Variants in NALCN observed in about 807,000 individuals in gnomAD.
The protein encoded by NALCN is sodium leak channel, non-selective.
A neutral mutation model predicts 225.3 loss-of-function variants in NALCN; 111 were observed. The ratio of observed to expected loss-of-function variants is 0.49; its 90% CI spans 0.42 to 0.58. NALCN has a LOEUF of 0.58. NALCN is among the 20% of genes least tolerant of loss of function. NALCN has a pLI of 0.00. For missense variants in NALCN, 1,378 were observed against 2,202.4 expected (o/e 0.63, Z 7.49); for synonymous variants, 764 against 769.0 (o/e 0.99, Z 0.11).
chr13:101,071,423 GATAACTTGCCACAGC>G, intron 37 of NALCN, among the ~76,000 whole-genome samples: 1 of 152,192 alleles, frequency 6.6e-6, no homozygotes, highest in Admixed American at 6.5e-5. Flanking sequence ...AGATCTTCTA[GATAACTTGCCACAGC>G]TTTTATATCA....
chr13:101,173,198 G>A (rs1000393585), intron 15 of NALCN, among the ~76,000 whole-genome samples: 6 of 152,180 alleles, frequency 3.9e-5, no homozygotes, highest in Non-Finnish European at 7.3e-5. Flanking sequence ...TGCATTCACC[G>A]CTATTCTCAG....
At chr13:101,185,444 TAGAC>T (rs1472064842) in intron 14 of NALCN, among the ~76,000 whole-genome samples, 1 of 152,194 alleles carries the variant, frequency 6.6e-6, no homozygotes, top group African/African-American at 2.4e-5. Flanking sequence ...GAAACAGTAA[TAGAC>T]AGAAAAACAT....
chr13:101,147,686 GA>G (rs2037422005), intron 15 of NALCN, among the ~76,000 whole-genome samples: 3 of 152,032 alleles, frequency 2.0e-5, no homozygotes, highest in Admixed American at 6.6e-5. Context: ...CTACAGGTGC[GA>G]GCTGCCATGC....
intron 34 of NALCN, among the ~76,000 whole-genome samples, chr13:101,081,140 G>T (rs1178312212): frequency 6.6e-6 from 1 of 152,172 alleles, no homozygotes; most frequent in Non-Finnish European, 1.5e-5. Flanking sequence ...GAGAAAACAG[G>T]AAAACAGGAC....
At chr13:101,161,238 A>G (rs951082280) in intron 15 of NALCN, among the ~76,000 whole-genome samples, 1 of 152,218 alleles carries the variant, frequency 6.6e-6, no homozygotes, top group African/African-American at 2.4e-5. Flanking sequence ...CTAGGCAGCC[A>G]TCCTTCTCCC....
chr13:101,165,918 C>A (rs181371856), intron 15 of NALCN, among the ~76,000 whole-genome samples: 1 of 152,348 alleles, frequency 6.6e-6, no homozygotes, highest in Non-Finnish European at 1.5e-5. Context: ...CCCTCCCTAG[C>A]CCCTGGCAAC....
intron 18 of NALCN, among the ~76,000 whole-genome samples, chr13:101,113,882 G>C (rs973993939): frequency 2.0e-5 from 3 of 152,160 alleles, no homozygotes; most frequent in African/African-American, 7.2e-5. Context: ...GTTGATTAGG[G>C]ACCACTTTAT....
chr13:101,268,231 G>T (rs2042660749), intron 10 of NALCN, among the ~76,000 whole-genome samples: 1 of 152,156 alleles, frequency 6.6e-6, no homozygotes, highest in African/African-American at 2.4e-5. Context: ...CCCAGCTGTG[G>T]TGTGCTGGAG....
chr13:101,243,229 T>A (rs2041804362), intron 11 of NALCN, among the ~76,000 whole-genome samples: 1 of 104,204 alleles, frequency 9.6e-6, no homozygotes, highest in African/African-American at 3.5e-5. Context: ...GCCCTTATTA[T>A]TATATCTCTA....
At chr13:101,147,070 T>C (rs940852317) in intron 15 of NALCN, among the ~76,000 whole-genome samples, 3 of 152,154 alleles carry the variant, frequency 2.0e-5, no homozygotes. Context: ...GAATTCAATG[T>C]CTTCAAACAG....
At chr13:101,166,217 AAT>A (rs2139890435) in intron 15 of NALCN, among the ~76,000 whole-genome samples, 1 of 152,328 alleles carries the variant, frequency 6.6e-6, no homozygotes, top group South Asian at 2.1e-4. Flanking sequence ...TGAGTGTGCA[AAT>A]ATGTCTTTGA....
At chr13:101,234,598 C>T (rs1407222244) in intron 12 of NALCN, among the ~76,000 whole-genome samples, 1 of 152,144 alleles carries the variant, frequency 6.6e-6, no homozygotes, top group Non-Finnish European at 1.5e-5. Flanking sequence ...CCTTGTGACA[C>T]CTAAGTTTCT....
At chr13:101,322,192 T>C (rs569508817) in intron 7 of NALCN, among the ~76,000 whole-genome samples, 2 of 152,280 alleles carry the variant, frequency 1.3e-5, no homozygotes, top group African/African-American at 4.8e-5. Flanking sequence ...TCCATGCATG[T>C]GGAATATAGG....
chr13:101,057,736 A>G, intron 43 of NALCN: 1 of 579,772 alleles, frequency 1.7e-6, no homozygotes, highest in South Asian at 2.0e-5. Context: ...GTACCCGGAA[A>G]ATGGGGGCTA....
At chr13:101,348,292 T>C (rs745453389) in intron 6 of NALCN, among the ~76,000 whole-genome samples, 3 of 152,114 alleles carry the variant, frequency 2.0e-5, no homozygotes, top group African/African-American at 4.8e-5. Flanking sequence ...TTCCAATCCA[T>C]AATGGTGTGA....
intron 13 of NALCN, among the ~76,000 whole-genome samples, chr13:101,216,918 A>G (rs1435244146): frequency 6.6e-6 from 1 of 152,198 alleles, no homozygotes; most frequent in African/African-American, 2.4e-5. Context: ...AAGAAAACCT[A>G]TATCAAATAA....
At chr13:101,233,986 A>G (rs1387583887) in intron 12 of NALCN, among the ~76,000 whole-genome samples, 1 of 152,060 alleles carries the variant, frequency 6.6e-6, no homozygotes, top group African/African-American at 2.4e-5. Flanking sequence ...GCTCAGTGTG[A>G]TTCTCTCCAC....
chr13:101,186,072 G>A (rs571863644), intron 14 of NALCN, among the ~76,000 whole-genome samples: 1 of 152,230 alleles, frequency 6.6e-6, no homozygotes, highest in Admixed American at 6.5e-5. Flanking sequence ...GTGTAACACA[G>A]ACCTGTCACC....
intron 14 of NALCN, among the ~76,000 whole-genome samples, chr13:101,190,048 T>C (rs1247578173): frequency 2.0e-5 from 3 of 152,302 alleles, no homozygotes; most frequent in Middle Eastern, 3.4e-3. Context: ...GTGACCCCAG[T>C]AGAATTTTCA....
Sources: allele counts gnomAD v4.1 joint callset (sites outside exome capture counted in the v4.1 genomes callset), GRCh38; gene constraint gnomAD v4.1.1; transcripts MANE v1.5; gene names NCBI Gene and HGNC (gene_info 2026-07-23, HGNC 2026-07-21).